ABLIM1: variants seen among roughly 807,000 people sequenced by gnomAD.
The protein encoded by ABLIM1 is actin-binding LIM protein 1.
In ABLIM1, 40 loss-of-function variants were observed where a neutral mutation model predicts 107.0. That is an observed-to-expected ratio of 0.37 (90% CI 0.29 to 0.49). The LOEUF is 0.49. Ranked by LOEUF, ABLIM1 falls within the 20% of genes least tolerant of loss-of-function variation. The pLI, the probability that ABLIM1 is intolerant of heterozygous loss-of-function variation, is 0.97. For missense variants in ABLIM1, 857 were observed against 1,008.5 expected (o/e 0.85, Z 2.04); for synonymous variants, 357 against 357.3 (o/e 1.00, Z 0.01).
At chr10:114,440,736 C>T (rs2060067300) in intron 19 of ABLIM1, 16 of 518,440 alleles carry the variant, frequency 3.1e-5, no homozygotes, top group South Asian at 2.4e-4. Flanking sequence ...GTTGGGATTG[C>T]AGGCATGAGC....
At chr10:114,653,663 C>T (rs563474546) in intron 1 of ABLIM1, among the ~76,000 whole-genome samples, 372 of 152,326 alleles carry the variant, frequency 2.4e-3, no homozygotes, top group African/African-American at 8.5e-3. Context: ...GCTGCAGAGG[C>T]TGTTTCGTAC....
chr10:114,472,961 A>G lies in ABLIM1; in HGVS notation c.1275+16T>C, dbSNP rs1468508887. ...GTAAATTGTTGTACAACTCACAACC[A>G]GTAGGAATGTATTACCTCTCCAAGG... On this transcript the variant is annotated intron_variant, in intron 10 of 22. Transcript: ENST00000533213. 6.5e-7 allele frequency: 1 copy of G among 1,543,970 alleles called. No individual in the cohort carries two copies.
chr10:114,564,378 C>T (rs1390942069), intron 4 of ABLIM1, among the ~76,000 whole-genome samples: 1 of 152,092 alleles, frequency 6.6e-6, no homozygotes, highest in Non-Finnish European at 1.5e-5. Context: ...GATTCTTCTC[C>T]CTTAGCCTCC....
In ABLIM1 at chr10:114,629,663, AC is replaced by A. The variant is rs1350228920; in HGVS notation, c.245-27703del. 6.6e-6 allele frequency among the ~76,000 whole-genome samples: 1 copy of A among 152,182 alleles called. No individual in the cohort carries two copies. The highest frequency in any genetic ancestry group is 1.5e-5 in the Non-Finnish European group (1 of 68,034). On this transcript the variant is annotated intron_variant, in intron 1 of 22. Coordinates refer to ENST00000533213, the MANE Select transcript of ABLIM1 (RefSeq NM_002313.7). The surrounding 1 kb of genome is among the most constrained non-coding windows in gnomAD (Gnocchi z 4.0). ...GTGTGACGAGACACAGAGAATGAGTACTTTGTCCACAATCTGCTGTGTGACC... is the reference window on the plus strand; with the variant it reads ...GTGTGACGAGACACAGAGAATGAGTATTTGTCCACAATCTGCTGTGTGACC...
intron 8 of ABLIM1, among the ~76,000 whole-genome samples, chr10:114,480,962 T>C (rs974007265): frequency 2.0e-5 from 3 of 152,194 alleles, no homozygotes; most frequent in African/African-American, 4.8e-5. Context: ...AAAAAGCACA[T>C]CTTTTTGTTT....
rs1386307700 is a variant in ABLIM1 at position 114,708,759 on chromosome 10, G to A, written c.-213+59302C>T. On this transcript the variant is annotated intron_variant, in intron 1 of 15. Transcript: ENST00000651092. ...TCAATTCTAGGTGATAAAATCTGGGGTCAGTTTTTTAATGCTTGATAAACT... is the reference window on the plus strand; with the variant it reads ...TCAATTCTAGGTGATAAAATCTGGGATCAGTTTTTTAATGCTTGATAAACT... 3.9e-5 allele frequency among the ~76,000 whole-genome samples: 6 copies of A among 152,118 alleles called. No individual in the cohort carries two copies. The East Asian group carries it at 1.2e-3, about 29-fold the overall frequency.
At chr10:114,637,699 G>C (rs1184988072) in intron 1 of ABLIM1, among the ~76,000 whole-genome samples, 8 of 152,136 alleles carry the variant, frequency 5.3e-5, no homozygotes, top group African/African-American at 1.9e-4. Flanking sequence ...AAATGACAGA[G>C]TGAACAAAAA....
At chr10:114,797,793 T>C in the ABLIM1 span, among the ~76,000 whole-genome samples, 38 of 152,352 alleles carry the variant, frequency 2.5e-4, no homozygotes, top group South Asian at 8.3e-4. Context: ...TGTTGATTTA[T>C]GGCCTTCTGG....
intron 1 of ABLIM1, among the ~76,000 whole-genome samples, chr10:114,610,450 T>C (rs1179071433): frequency 6.6e-6 from 1 of 152,184 alleles, no homozygotes; most frequent in Non-Finnish European, 1.5e-5. Flanking sequence ...TTACCTAGAA[T>C]ATTTTCTCTG....
intron 8 of ABLIM1, among the ~76,000 whole-genome samples, chr10:114,478,169 T>C (rs1257028307): frequency 6.6e-6 from 1 of 152,182 alleles, no homozygotes; most frequent in Admixed American, 6.5e-5. Flanking sequence ...TCAAGACCCA[T>C]TTGGTTTTTA....
intron 6 of ABLIM1, among the ~76,000 whole-genome samples, chr10:114,539,619 A>G (rs963473839): frequency 3.3e-5 from 5 of 152,172 alleles, no homozygotes; most frequent in East Asian, 1.9e-4. Flanking sequence ...AGCTGCCTTC[A>G]TTTTGAAACT....
chr10:114,439,896 T>C lies in ABLIM1; in HGVS notation c.2067+186A>G, dbSNP rs921577001. 6 of 1,001,052 alleles carry C rather than the reference T, an allele frequency of 6.0e-6. No homozygotes were observed. In the Admixed American group the frequency reaches 7.3e-5, roughly 12 times the overall value. 62.0% of individuals were successfully genotyped at this position (1,001,052 alleles called of 1,614,324 possible). ...TGGTTCATGCAGTGTCCCCAAGGCCTGCAGGGACAGCTTGACCCAGGCACC... is the reference window on the plus strand; with the variant it reads ...TGGTTCATGCAGTGTCCCCAAGGCCCGCAGGGACAGCTTGACCCAGGCACC... On this transcript the variant is annotated intron_variant, in intron 20 of 22. Transcript: ENST00000533213.
intron 1 of ABLIM1, among the ~76,000 whole-genome samples, chr10:114,701,670 T>C (rs1406585849): frequency 6.6e-6 from 1 of 152,024 alleles, no homozygotes; most frequent in Non-Finnish European, 1.5e-5. Context: ...CACAAAACAG[T>C]GCGTAGTATA....
chr10:114,720,175 T>C (rs765688108), intron 1 of ABLIM1, among the ~76,000 whole-genome samples: 2 of 152,182 alleles, frequency 1.3e-5, no homozygotes, highest in Non-Finnish European at 2.9e-5. Context: ...CTTCCAGCTC[T>C]ATCCATGTCC....
intron 1 of ABLIM1, among the ~76,000 whole-genome samples, chr10:114,672,481 A>G (rs150261226): frequency 6.6e-6 from 1 of 152,310 alleles, no homozygotes; most frequent in East Asian, 1.9e-4. Flanking sequence ...GATTACAGGC[A>G]TGAGCCACCC....
At chr10:114,498,854 C>T (rs2060023892) in intron 6 of ABLIM1, among the ~76,000 whole-genome samples, 1 of 152,214 alleles carries the variant, frequency 6.6e-6, no homozygotes, top group Non-Finnish European at 1.5e-5. Context: ...TGGCCACACA[C>T]ACTTGTCACT....
At chr10:114,439,423 G>A (rs963057178) in intron 20 of ABLIM1, among the ~76,000 whole-genome samples, 173 bp from the exon 21 acceptor site, 1 of 152,192 alleles carries the variant, frequency 6.6e-6, no homozygotes, top group African/African-American at 2.4e-5. Context: ...ATAGGAACAG[G>A]AATACAGCTC....
chr10:114,456,005 G>C (rs953302753), intron 12 of ABLIM1, among the ~76,000 whole-genome samples: 1 of 151,622 alleles, frequency 6.6e-6, no homozygotes, highest in African/African-American at 2.4e-5. Flanking sequence ...TAGTAGAGAC[G>C]GGGTTTCACC....
intron 1 of ABLIM1, among the ~76,000 whole-genome samples, chr10:114,604,260 A>G (rs1349716192): frequency 6.6e-6 from 1 of 152,232 alleles, no homozygotes; most frequent in African/African-American, 2.4e-5. Context: ...GGCCTTTCTG[A>G]CTGCTAAGTT....
Sources: allele counts gnomAD v4.1 joint callset (sites outside exome capture counted in the v4.1 genomes callset), GRCh38; gene constraint gnomAD v4.1.1; non-coding constraint Gnocchi (gnomAD v3.1); transcripts MANE v1.5; gene names NCBI Gene and HGNC (gene_info 2026-07-23, HGNC 2026-07-21).